The following AP2B1 variants were observed in gnomAD, a reference collection of about 807,000 sequenced individuals.
AP2B1 encodes adaptor related protein complex 2 subunit beta 1.
Under a neutral mutation model 102.0 loss-of-function variants are expected in AP2B1, and 23 were observed. That is an observed-to-expected ratio of 0.23 (90% CI 0.16 to 0.32). AP2B1 has a LOEUF of 0.32. Among genes scored for constraint, AP2B1 ranks in the 10% least tolerant of loss-of-function variants. AP2B1 has a pLI of 1.00. For missense variants in AP2B1, 541 were observed against 1,157.4 expected, an observed-to-expected ratio of 0.47 and a Z score of 7.73; for synonymous variants, 381 against 421.2, an observed-to-expected ratio of 0.90 and a Z score of 1.17.
intron 12 of AP2B1, among the ~76,000 whole-genome samples, chr17:35,642,208 G>A (rs1179286898): frequency 6.6e-6 from 1 of 152,154 alleles, no homozygotes; most frequent in Non-Finnish European, 1.5e-5. Flanking sequence ...CATGAAAATT[G>A]AACCTAGACT....
intron 13 of AP2B1, among the ~76,000 whole-genome samples, chr17:35,654,263 A>C (rs1378834780): frequency 6.6e-6 from 1 of 150,982 alleles, no homozygotes; most frequent in Non-Finnish European, 1.5e-5. Context: ...CGGGTTTCAC[A>C]ATGTTGGTCA....
rs1481140463 is a variant in AP2B1 at position 35,611,568 on chromosome 17, A to G, written c.525+3181A>G. 2.6e-5 allele frequency among the ~76,000 whole-genome samples: 4 copies of G among 152,332 alleles called. No homozygotes were observed. In the East Asian group the frequency reaches 7.7e-4, roughly 29 times the overall value. ...CCGAGAAGAATAAAATGATTCTGGAACAAGCTTAGTTTGTCCGATTTATTC... is the reference window on the plus strand; with the variant it reads ...CCGAGAAGAATAAAATGATTCTGGAGCAAGCTTAGTTTGTCCGATTTATTC... On this transcript the variant is annotated intron_variant, in intron 5 of 21. Transcript: ENST00000610402.
intron 20 of AP2B1, among the ~76,000 whole-genome samples, chr17:35,712,212 G>A (rs782317924): frequency 2.6e-5 from 4 of 152,076 alleles, no homozygotes; most frequent in Non-Finnish European, 5.9e-5. Context: ...GATCCTATTA[G>A]AGGAGCCACC....
intron 21 of AP2B1, among the ~76,000 whole-genome samples, chr17:35,718,663 CAT>C (rs147139007): frequency 0.14 from 20,503 of 151,722 alleles, 1,710 homozygotes; most frequent in South Asian, 0.25. Context: ...GCCTGGGTAA[CAT>C]AGTGAGACCT....
At chr17:35,673,276 T>G (rs1350885426) in intron 16 of AP2B1, among the ~76,000 whole-genome samples, 1 of 152,272 alleles carries the variant, frequency 6.6e-6, no homozygotes, top group East Asian at 1.9e-4. Flanking sequence ...AGTGGCGTGA[T>G]CTTGGCTCAC....
At position 35,657,592 on chromosome 17, in the gene AP2B1, A is replaced by T; in HGVS notation, c.1797-7A>T. 6.2e-7 allele frequency: 1 copy of T among 1,606,744 alleles called. No homozygotes were observed. Among genetic ancestry groups the T allele is most frequent in the Non-Finnish European group, 8.5e-7 (1 of 1,175,444 alleles). On this transcript the variant is annotated splice_region_variant and splice_polypyrimidine_tract_variant and intron_variant, in intron 13 of 21. Transcript: ENST00000610402. ...CTTTTCTCCATTTTATGTGTATGTG[A>T]CTTTAGCACTGATGCAGGTGACAGC...
chr17:35,660,068 C>T (rs2075323391), intron 14 of AP2B1: 1 of 984,982 alleles, frequency 1.0e-6, no homozygotes, highest in Non-Finnish European at 1.2e-6. Flanking sequence ...TGAATGCATC[C>T]TTGCCTTACA....
intron 19 of AP2B1, 22 bp downstream of exon 19, chr17:35,709,330 C>G: frequency 6.3e-7 from 1 of 1,595,062 alleles, no homozygotes; most frequent in East Asian, 2.2e-5. Context: ...CCTGCCTGTC[C>G]TGCTGAATAT....
intron 18 of AP2B1, among the ~76,000 whole-genome samples, chr17:35,702,469 C>T (rs1276431513): frequency 6.6e-6 from 1 of 152,050 alleles, no homozygotes; most frequent in Non-Finnish European, 1.5e-5. Context: ...TGGATTAGAG[C>T]TAGCAAGGAG....
intron 14 of AP2B1, among the ~76,000 whole-genome samples, chr17:35,658,578 A>G (rs1319446722): frequency 6.6e-6 from 1 of 152,196 alleles, no homozygotes; most frequent in Non-Finnish European, 1.5e-5. Flanking sequence ...CTGCCTACAT[A>G]GTAGGTACTT....
chr17:35,659,240 C>T (rs945379058), intron 14 of AP2B1, among the ~76,000 whole-genome samples: 1 of 152,136 alleles, frequency 6.6e-6, no homozygotes, highest in Non-Finnish European at 1.5e-5. Flanking sequence ...ATTGCATCCT[C>T]CTCAAGTTTA....
chr17:35,710,313 A>T lies in AP2B1; in HGVS notation c.2619A>T (p.Leu873Phe). The change falls in exon 20 of 22, where the codon TTA becomes TTT. Residue 873 changes from leucine (L) to phenylalanine (F), a missense_variant. This residue lies in a region of AP2B1 where 117 missense variants were observed against 206.7 expected (regional missense o/e 0.57). Coordinates refer to ENST00000610402, the MANE Select transcript of AP2B1 (RefSeq NM_001030006.2). ...ELQFQIKECHLNADTVSSKLQ... is the reference protein window; with the variant it reads ...ELQFQIKECHFNADTVSSKLQ... ...AGTTTCAGATTAAGGAATGTCATTT[A>T]AATGCTGGTGAGTAATATACTCTAA... 3 of 1,600,392 alleles carry T rather than the reference A, an allele frequency of 1.9e-6. No homozygotes were observed. The highest frequency in any genetic ancestry group is 1.7e-6 in the Non-Finnish European group (2 of 1,167,812).
intron 5 of AP2B1, among the ~76,000 whole-genome samples, chr17:35,610,435 T>C (rs1598026872): frequency 6.7e-6 from 1 of 150,092 alleles, no homozygotes; most frequent in African/African-American, 2.4e-5. Context: ...GCATGAGCCA[T>C]CACACCCAGC....
At chr17:35,692,339 C>G (rs2142999004) in intron 18 of AP2B1, among the ~76,000 whole-genome samples, 1 of 152,266 alleles carries the variant, frequency 6.6e-6, no homozygotes, top group East Asian at 1.9e-4. Context: ...TCACAGGCAT[C>G]TTTTTATCAT....
At chr17:35,592,589 C>T (rs2073136076) in intron 1 of AP2B1, among the ~76,000 whole-genome samples, 1 of 152,164 alleles carries the variant, frequency 6.6e-6, no homozygotes, top group African/African-American at 2.4e-5. Flanking sequence ...GTTGCCCAGG[C>T]TGGAGTGCAG....
chr17:35,683,355 T>C (rs1240541189), intron 18 of AP2B1, among the ~76,000 whole-genome samples: 1 of 152,210 alleles, frequency 6.6e-6, no homozygotes, highest in Admixed American at 6.5e-5. Flanking sequence ...CTTAGAAACT[T>C]TTTTCTTAAC....
At position 35,596,810 on chromosome 17, in the gene AP2B1, C is replaced by T. The variant is rs151248475; in HGVS notation, c.38-1420C>T. On this transcript the variant is annotated intron_variant, in intron 2 of 21. Transcript: ENST00000610402. The stretch of plus-strand genomic sequence containing the variant: ...GCGTCAGCTGCATGGGCCCCCGCAG[C>T]GCTGCCAGGCCCCGCAGGCGCTGCC... 2,049 of 636,568 alleles carry T rather than the reference C, an allele frequency of 3.2e-3. 17 individuals carry two copies. Among genetic ancestry groups the T allele is most frequent in the African/African-American group, 0.025 (1,379 of 55,054 alleles). 39.4% of individuals were successfully genotyped at this position (636,568 alleles called of 1,614,324 possible).
chr17:35,667,218 G>A (rs2075487339), intron 14 of AP2B1, among the ~76,000 whole-genome samples: 1 of 152,192 alleles, frequency 6.6e-6, no homozygotes, highest in African/African-American at 2.4e-5. Flanking sequence ...GTTTCAGAGA[G>A]TAGGATAATC....
At chr17:35,603,626 A>C (rs2073563561) in intron 3 of AP2B1, among the ~76,000 whole-genome samples, 1 of 152,246 alleles carries the variant, frequency 6.6e-6, no homozygotes, top group Non-Finnish European at 1.5e-5. Context: ...CTGGAATTAG[A>C]AATGTACAAA....
Sources: gnomAD v4.1 joint callset for allele counts (sites outside exome capture counted in the v4.1 genomes callset) on GRCh38, gnomAD v4.1.1 for gene constraint, gnomAD v4.1.1 regional missense constraint, MANE v1.5 for transcripts, NCBI Gene and HGNC (gene_info 2026-07-23, HGNC 2026-07-21) for gene names.